Variants in ABCA10 observed in about 807,000 individuals in gnomAD.
ABCA10 encodes ATP binding cassette subfamily A member 10.
A neutral mutation model predicts 187.5 loss-of-function variants in ABCA10; 169 were observed. That is an observed-to-expected ratio of 0.90 (90% confidence interval 0.80 to 1.02). ABCA10 has a LOEUF of 1.02. Ranked by LOEUF, ABCA10 falls within the 50% of genes least tolerant of loss-of-function variation. The pLI is 0.00. For synonymous variants in ABCA10, 574 were observed against 601.8 expected, an observed-to-expected ratio of 0.95 and a Z score of 0.68; for missense variants, 1,727 against 1,812.4, an observed-to-expected ratio of 0.95 and a Z score of 0.86.
In ABCA10 at chr17:69,155,019, C is replaced by CT. The variant is rs754216537; in HGVS notation, c.3693dup (p.Gly1232ArgfsTer2). 2.3e-4 allele frequency: 360 copies of CT among 1,575,602 alleles called. No individual in the cohort carries two copies. The highest frequency in any genetic ancestry group is 2.8e-4 in the Non-Finnish European group (324 of 1,149,550). On this transcript the variant is annotated frameshift_variant and splice_region_variant, in exon 30 of 39. Transcript: ENST00000690296. LOFTEE classifies it high-confidence loss of function. ...TAATAAAAGGAACAATTGTTCAAAC[C>CT]TTTTTTAACACAAAAGGAAACATTT...
chr17:69,190,212 T>C, intron 18 of ABCA10, 146 bp downstream of exon 18: 1 of 958,966 alleles, frequency 1.0e-6, no homozygotes, highest in South Asian at 2.4e-5. Flanking sequence ...ATGCTAGTAT[T>C]TTCTATCTAG....
At chr17:69,219,799 A>T (rs746377560) in intron 5 of ABCA10, 28 bp from the exon 6 acceptor site, 1 of 1,439,248 alleles carries the variant, frequency 6.9e-7, no homozygotes, top group Non-Finnish European at 9.4e-7. Context: ...CAAATTTATT[A>T]TGTGAACTAT....
At chr17:69,216,168 A>G (rs1598121536) in intron 7 of ABCA10, 49 bp downstream of exon 7, 1 of 1,566,882 alleles carries the variant, frequency 6.4e-7, no homozygotes, top group Non-Finnish European at 8.7e-7. Context: ...TTGCTCATGT[A>G]TCTGTAATCT....
chr17:69,242,577 G>T (rs1209997897), intron 1 of ABCA10, among the ~76,000 whole-genome samples: 2 of 152,100 alleles, frequency 1.3e-5, no homozygotes, highest in East Asian at 3.9e-4. Flanking sequence ...CAATCCTCCT[G>T]CCTCAGCCTC....
intron 25 of ABCA10, among the ~76,000 whole-genome samples, chr17:69,171,475 AT>A (rs1190993644): frequency 1.3e-5 from 2 of 152,228 alleles, no homozygotes; most frequent in South Asian, 4.1e-4. Context: ...TTTGAATGAA[AT>A]GCTAACAGAT....
At chr17:69,161,634 G>C (rs2074219087) in intron 27 of ABCA10, among the ~76,000 whole-genome samples, 1 of 152,100 alleles carries the variant, frequency 6.6e-6, no homozygotes, top group Admixed American at 6.5e-5. Flanking sequence ...TCAAATTTGG[G>C]GGGCAACAAA....
At position 69,191,344 on chromosome 17, in the gene ABCA10, T is replaced by C. The variant is rs2074458774; in HGVS notation, c.1872-29A>G. ...TTATTTCAAAAGAGCCATAAGTCTC[T>C]TGAATTCTTTTCCAACACCACCACT... On this transcript the variant is annotated intron_variant, in intron 16 of 38. Transcript: ENST00000690296. The C allele has an allele frequency of 5.4e-6, 8 of 1,493,712 alleles. No homozygotes were observed. The South Asian group carries it at 1.1e-4, about 21-fold the overall frequency. The allele number at this position is 1,493,712 out of a possible 1,614,324, so 92.5% of individuals were successfully genotyped here. A position where few individuals can be genotyped will look rare whatever the true frequency, so the allele number is the denominator to read the frequency against.
intron 37 of ABCA10, 54 bp downstream of exon 37, chr17:69,149,930 C>T: frequency 7.4e-7 from 1 of 1,356,458 alleles, no homozygotes. Flanking sequence ...CTATATTCCA[C>T]ATGAAAATAT....
At chr17:69,223,024 A>T (rs987037583) in intron 3 of ABCA10, among the ~76,000 whole-genome samples, 1 of 145,232 alleles carries the variant, frequency 6.9e-6, no homozygotes, top group Non-Finnish European at 1.5e-5. Context: ...TTTGCCTTGA[A>T]GGATATACAC....
chr17:69,154,408 GAAACAA>G, intron 30 of ABCA10, 82 bp from the exon 31 acceptor site: 1 of 752,744 alleles, frequency 1.3e-6, no homozygotes, highest in Admixed American at 3.1e-5. Flanking sequence ...ATAACATTTT[GAAACAA>G]AATGACTTTT....
intron 30 of ABCA10, 40 bp from the exon 31 acceptor site, chr17:69,154,366 G>T (rs2074156822): frequency 1.4e-6 from 2 of 1,456,252 alleles, no homozygotes; most frequent in African/African-American, 1.4e-5. Context: ...AATTTTCAAG[G>T]TTGACTAATC....
chr17:69,237,609 T>A (rs2074879935), intron 1 of ABCA10, among the ~76,000 whole-genome samples: 1 of 152,208 alleles, frequency 6.6e-6, no homozygotes, highest in Non-Finnish European at 1.5e-5. Context: ...ATGTTTTTAT[T>A]TCCTATCTTG....
intron 20 of ABCA10, among the ~76,000 whole-genome samples, chr17:69,183,546 C>T (rs1017336334): frequency 6.6e-6 from 1 of 152,102 alleles, no homozygotes; most frequent in Non-Finnish European, 1.5e-5. Flanking sequence ...TGAGTGCCCT[C>T]GGTGTGAAAG....
At chr17:69,224,843 C>T (rs2074780526) in intron 3 of ABCA10, among the ~76,000 whole-genome samples, 1 of 152,080 alleles carries the variant, frequency 6.6e-6, no homozygotes, top group Admixed American at 6.6e-5. Context: ...GCTTTTTCAA[C>T]ACCATTGCTA....
At chr17:69,187,539 C>G (rs2074431209) in intron 19 of ABCA10, 142 bp downstream of exon 19, 1 of 888,682 alleles carries the variant, frequency 1.1e-6, no homozygotes, top group Admixed American at 3.0e-5. Context: ...GGCAGTCAGG[C>G]CCTTTTCCTC....
chr17:69,231,732 G>A (rs951650307), upstream of ABCA10, among the ~76,000 whole-genome samples: 2 of 152,132 alleles, frequency 1.3e-5, no homozygotes, highest in African/African-American at 4.8e-5. Flanking sequence ...TGAGAAGAAT[G>A]TGTATTCTGC....
intron 1 of ABCA10, among the ~76,000 whole-genome samples, chr17:69,240,550 A>C (rs188737510): frequency 1.6e-3 from 248 of 152,338 alleles, no homozygotes; most frequent in Admixed American, 3.7e-3. Flanking sequence ...TCCAAACTAA[A>C]GCACTCTTCG....
At chr17:69,238,864 C>T (rs1415638236) in intron 1 of ABCA10, among the ~76,000 whole-genome samples, 1 of 152,158 alleles carries the variant, frequency 6.6e-6, no homozygotes, top group African/African-American at 2.4e-5. Context: ...TGTCTTCAAC[C>T]TTCTGATCAC....
At chr17:69,178,864 C>A (rs563351697) in intron 22 of ABCA10, 1 of 152,124 alleles carries the variant, frequency 6.6e-6, no homozygotes, top group South Asian at 2.1e-4. Flanking sequence ...TAAAGAAACA[C>A]AATTTCCATT....
Sources: gnomAD v4.1 joint callset for allele counts (sites outside exome capture counted in the v4.1 genomes callset) on GRCh38, gnomAD v4.1.1 for gene constraint, MANE v1.5 for transcripts, NCBI Gene and HGNC (gene_info 2026-07-23, HGNC 2026-07-21) for gene names.